The following RNF6 variants were observed in gnomAD, a reference collection of about 807,000 sequenced individuals.
RNF6 encodes the protein ring finger protein 6.
A neutral mutation model predicts 50.1 loss-of-function variants in RNF6; 21 were observed. The ratio of observed to expected loss-of-function variants is 0.42; its 90% CI spans 0.30 to 0.60. RNF6 has a LOEUF of 0.60. Ranked by LOEUF, RNF6 falls within the 20% of genes least tolerant of loss-of-function variation. The pLI, the probability that RNF6 is intolerant of heterozygous loss-of-function variation, is 0.20. For missense variants in RNF6, 698 were observed against 838.2 expected (o/e 0.83, Z 2.07); for synonymous variants, 255 against 291.8 (o/e 0.87, Z 1.29).
At chr13:26,218,815 A>G (rs1023654707) in intron 3 of RNF6, among the ~76,000 whole-genome samples, 2 of 152,220 alleles carry the variant, frequency 1.3e-5, no homozygotes, top group Non-Finnish European at 2.9e-5. Context: ...TTTATTAAAA[A>G]TTATTAAAAT....
Position 26,214,967 on chromosome 13 carries a change from A to G in RNF6, c.915T>C (p.Ser305=), listed in dbSNP as rs772458209. The G allele has an allele frequency of 5.6e-6, 9 of 1,614,114 alleles. No homozygotes were observed. In the South Asian group the frequency reaches 9.9e-5, roughly 18 times the overall value. The change falls in exon 5 of 5, where the codon TCT becomes TCC. Residue 305 remains serine, a synonymous_variant. Transcript: ENST00000381588. The part of the protein sequence containing the change: ...NQRLEPIRLR[S]TSNSRSRSPI... Reference sequence around the variant, plus strand: ...GTGAACGGCTTCGACTATTGGAAGTAGATCGTAATCTTATTGGCTCTAATC... The same window carrying G: ...GTGAACGGCTTCGACTATTGGAAGTGGATCGTAATCTTATTGGCTCTAATC...
At chr13:26,146,353 T>G (rs536056440) in intron 5 of RNF6, among the ~76,000 whole-genome samples, 3 of 152,216 alleles carry the variant, frequency 2.0e-5, no homozygotes, top group Non-Finnish European at 4.4e-5. Flanking sequence ...CCTTTGGTGG[T>G]TGGGTGCTGC....
At chr13:26,201,603 A>G (rs994593627) in intron 5 of RNF6, among the ~76,000 whole-genome samples, 4 of 152,220 alleles carry the variant, frequency 2.6e-5, no homozygotes, top group Non-Finnish European at 4.4e-5. Context: ...GTTTGATTCA[A>G]TTCTACATTA....
chr13:26,206,544 T>C (rs1226298860), intron 5 of RNF6, among the ~76,000 whole-genome samples: 1 of 152,174 alleles, frequency 6.6e-6, no homozygotes, highest in Non-Finnish European at 1.5e-5. Context: ...TCAGAAACAT[T>C]GTGGGTTATA....
chr13:26,181,225 G>A (rs1260032999), intron 5 of RNF6, among the ~76,000 whole-genome samples: 4 of 152,112 alleles, frequency 2.6e-5, no homozygotes, highest in Non-Finnish European at 5.9e-5. Context: ...GATTAGAGTC[G>A]GGGGCTCTGC....
At chr13:26,217,439 G>A (rs1221570575) in intron 4 of RNF6, among the ~76,000 whole-genome samples, 1 of 152,192 alleles carries the variant, frequency 6.6e-6, no homozygotes, top group Non-Finnish European at 1.5e-5. Flanking sequence ...AAATTGGCTC[G>A]TGGACAGCCT....
chr13:26,213,833 G>C lies in RNF6; in HGVS notation c.2049C>G (p.Asn683Lys), dbSNP rs1869505423. 6.2e-7 allele frequency: 1 copy of C among 1,603,532 alleles called. No individual in the cohort carries two copies. The highest frequency in any genetic ancestry group is 8.5e-7 in the Non-Finnish European group (1 of 1,173,270). The change falls in exon 5 of 5, where the codon AAC (asparagine) becomes AAG (lysine). Residue 683 changes from asparagine to lysine, a missense_variant. Transcript: ENST00000381588. ...RQPVLGSNIANNG is the reference protein window; with the variant it reads ...RQPVLGSNIAKNG Reference sequence around the variant, plus strand: ...AGTAGATCCCATCACCTTACCCATTGTTTGCTATGTTAGACCCTAAAACAG... The same window carrying C: ...AGTAGATCCCATCACCTTACCCATTCTTTGCTATGTTAGACCCTAAAACAG...
rs199551841 is a variant in RNF6 at position 26,214,965 on chromosome 13, G to A, written c.917C>T (p.Thr306Ile). 12 of 1,614,200 alleles carry A rather than the reference G, an allele frequency of 7.4e-6. No homozygotes were observed. The highest frequency in any genetic ancestry group is 1.0e-5 in the Non-Finnish European group (12 of 1,180,040). The change falls in exon 5 of 5, where the codon ACT (threonine) becomes ATT (isoleucine). Residue 306 changes from threonine (T) to isoleucine (I), a missense_variant. Transcript: ENST00000381588. ...QRLEPIRLRS[T>I]SNSRSRSPIQ... is the part of the protein sequence containing the mutation. Reference sequence around the variant, plus strand: ...TGGTGAACGGCTTCGACTATTGGAAGTAGATCGTAATCTTATTGGCTCTAA... The same window carrying A: ...TGGTGAACGGCTTCGACTATTGGAAATAGATCGTAATCTTATTGGCTCTAA...
chr13:26,179,143 A>C (rs903839732), intron 5 of RNF6, among the ~76,000 whole-genome samples: 3 of 152,140 alleles, frequency 2.0e-5, no homozygotes, highest in African/African-American at 7.2e-5. Flanking sequence ...GGTTTTGCAC[A>C]AACCCAGCTG....
intron 5 of RNF6, among the ~76,000 whole-genome samples, chr13:26,169,365 A>T (rs2137628960): frequency 6.6e-6 from 1 of 151,860 alleles, no homozygotes; most frequent in East Asian, 2.0e-4. Context: ...GCAAGGGGAG[A>T]TCCACCTGAG....
At chr13:26,179,781 G>A (rs1873144633) in intron 5 of RNF6, among the ~76,000 whole-genome samples, 3 of 152,194 alleles carry the variant, frequency 2.0e-5, no homozygotes, top group Admixed American at 2.0e-4. Flanking sequence ...ATGTATAGAT[G>A]TAGCACGTTG....
intron 5 of RNF6, among the ~76,000 whole-genome samples, chr13:26,194,076 A>C (rs1022478089): frequency 6.6e-6 from 1 of 152,218 alleles, no homozygotes; most frequent in Non-Finnish European, 1.5e-5. Flanking sequence ...ACTGCTCGGA[A>C]GCAATAAGAT....
intron 5 of RNF6, among the ~76,000 whole-genome samples, chr13:26,200,269 C>A (rs1321999924): frequency 3.3e-5 from 5 of 152,160 alleles, no homozygotes; most frequent in African/African-American, 1.2e-4. Flanking sequence ...TAGCTAAAAT[C>A]AAAAAGCCTG....
intron 5 of RNF6, among the ~76,000 whole-genome samples, chr13:26,148,632 TTATATATATA>T (rs57373126): frequency 0.012 from 551 of 47,068 alleles, 12 homozygotes; most frequent in African/African-American, 0.033. Context: ...ATAAATCTCT[TTATATATATA>T]TATATATATA....
At chr13:26,170,737 T>A (rs1007270668) in intron 5 of RNF6, among the ~76,000 whole-genome samples, 2 of 152,204 alleles carry the variant, frequency 1.3e-5, no homozygotes, top group African/African-American at 4.8e-5. Flanking sequence ...GTTATTAGAT[T>A]TTTAAAATAA....
At chr13:26,140,362 A>G (rs201563349) in intron 5 of RNF6, among the ~76,000 whole-genome samples, 1 of 152,206 alleles carries the variant, frequency 6.6e-6, no homozygotes, top group Admixed American at 6.5e-5. Flanking sequence ...AGATTTATGA[A>G]CAGCCAAAGG....
chr13:26,196,636 A>AAAATAAATAAATAAATAAAT (rs57251514), intron 5 of RNF6, among the ~76,000 whole-genome samples: 2 of 151,154 alleles, frequency 1.3e-5, no homozygotes, highest in African/African-American at 4.9e-5. Context: ...CTTTCTCCAA[A>AAAATAAATAAATAAATAAAT]AAATAAATAA....
intron 5 of RNF6, among the ~76,000 whole-genome samples, chr13:26,200,464 C>T (rs1307410465): frequency 6.8e-6 from 1 of 146,384 alleles, no homozygotes; most frequent in African/African-American, 2.5e-5. Context: ...GTCTGGAGTG[C>T]AATGGCACAA....
Position 26,214,382 on chromosome 13 carries a change from G to T in RNF6, c.1500C>A (p.Ala500=). 1.2e-6 allele frequency: 2 copies of T among 1,614,008 alleles called. No homozygotes were observed. The highest frequency in any genetic ancestry group is 1.7e-6 in the Non-Finnish European group (2 of 1,180,024). The change falls in exon 5 of 5, where the codon GCC becomes GCA. Residue 500 remains alanine (A), a synonymous_variant. Coordinates refer to ENST00000381588, the MANE Select transcript of RNF6 (RefSeq NM_005977.4). Reference sequence around the variant, plus strand: ...TTCTTTGAAGTTCTGACTCAGAATCGGCCTCCATTAGAGAACTCAGTTCTC... The same window carrying T: ...TTCTTTGAAGTTCTGACTCAGAATCTGCCTCCATTAGAGAACTCAGTTCTC... ...GFGELSSLME[A]DSESELQRNG...
Sources: allele counts gnomAD v4.1 joint callset (sites outside exome capture counted in the v4.1 genomes callset), GRCh38; gene constraint gnomAD v4.1.1; transcripts MANE v1.5; gene names NCBI Gene and HGNC (gene_info 2026-07-23, HGNC 2026-07-21).